AP3S2: variants seen among roughly 807,000 people sequenced by gnomAD.
The protein encoded by AP3S2 is AP-3 complex subunit sigma-2.
AP3S2 carries 22 observed loss-of-function variants against 23.4 expected under a neutral mutation model. That is an observed-to-expected ratio of 0.94 (90% CI 0.67 to 1.34). AP3S2 has a LOEUF of 1.34. Among genes scored for constraint, AP3S2 ranks in the 40% most tolerant of loss-of-function variants. The pLI is 0.00. For synonymous variants in AP3S2, 86 were observed against 87.1 expected (o/e 0.99, Z 0.07); for missense variants, 241 against 236.9 (o/e 1.02, Z -0.11).
intron 4 of AP3S2, among the ~76,000 whole-genome samples, chr15:89,839,527 T>C (rs924506575): frequency 2.0e-5 from 3 of 152,220 alleles, no homozygotes; most frequent in Non-Finnish European, 2.9e-5. Context: ...CAAGACTGGT[T>C]TTAAAATTAT....
At chr15:89,843,072 C>T (rs950554171) in intron 4 of AP3S2, among the ~76,000 whole-genome samples, 1 of 150,236 alleles carries the variant, frequency 6.7e-6, no homozygotes, top group African/African-American at 2.5e-5. Context: ...ACAACCTCTG[C>T]CTCCCCGGTT....
chr15:89,874,781 CTAAA>C (rs1254450675), intron 3 of AP3S2, among the ~76,000 whole-genome samples: 1 of 151,820 alleles, frequency 6.6e-6, no homozygotes, highest in African/African-American at 2.4e-5. Context: ...GACCTTGTCT[CTAAA>C]TAAATTTTAA....
intron 4 of AP3S2, among the ~76,000 whole-genome samples, chr15:89,846,871 A>G (rs1284319588): frequency 6.6e-6 from 1 of 151,518 alleles, no homozygotes; most frequent in African/African-American, 2.4e-5. Flanking sequence ...GGGTCTCACC[A>G]TGTTGGCCAG....
At chr15:89,857,834 C>A (rs1596199762) in intron 4 of AP3S2, among the ~76,000 whole-genome samples, 1 of 152,178 alleles carries the variant, frequency 6.6e-6, no homozygotes, top group South Asian at 2.1e-4. Context: ...ATAATAGGAT[C>A]ATTTCCCCAT....
At chr15:89,885,120 C>CT (rs1006421060) in intron 3 of AP3S2, among the ~76,000 whole-genome samples, 81 of 151,990 alleles carry the variant, frequency 5.3e-4, no homozygotes, top group African/African-American at 1.8e-3. Context: ...GGAGTCAGTT[C>CT]TTTTTTTAAC....
chr15:89,860,546 C>A (rs1039762864), intron 4 of AP3S2, among the ~76,000 whole-genome samples: 1 of 152,112 alleles, frequency 6.6e-6, no homozygotes, highest in Admixed American at 6.5e-5. Context: ...CAATTTAAAA[C>A]GTATTGTTTA....
Position 89,833,535 on chromosome 15 carries a change from C to T in AP3S2, c.*1980G>A, listed in dbSNP as rs1016395218. ...TTGTAAGGACAGTTGAATGATCTTG[C>T]TCATGCCAACTTACAGAAGGTACGA... On this transcript the variant is annotated 3_prime_UTR_variant, in exon 6 of 6. Coordinates refer to ENST00000336418, the MANE Select transcript of AP3S2 (RefSeq NM_005829.5). 2.0e-5 allele frequency: 3 copies of T among 152,230 alleles called. No homozygotes were observed. Among genetic ancestry groups the T allele is most frequent in the Admixed American group, 6.5e-5 (1 of 15,272 alleles). The allele number at this position is 152,230 out of a possible 1,614,324, so 9.4% of individuals were successfully genotyped here. A position where few individuals can be genotyped will look rare whatever the true frequency, so the allele number is the denominator to read the frequency against.
intron 5 of AP3S2, among the ~76,000 whole-genome samples, chr15:89,836,025 C>A (rs1438552712): frequency 1.5e-5 from 2 of 137,684 alleles, no homozygotes; most frequent in Non-Finnish European, 3.1e-5. Context: ...GAGACTCTGT[C>A]TCAAACAAAC....
chr15:89,892,719 A>C (rs949756825), intron 1 of AP3S2, among the ~76,000 whole-genome samples: 10 of 152,176 alleles, frequency 6.6e-5, no homozygotes, highest in African/African-American at 2.4e-4. Context: ...GCTGGAGTGC[A>C]GTGGCGCTAT....
chr15:89,888,953 A>G, intron 2 of AP3S2, 96 bp downstream of exon 2: 1 of 1,452,896 alleles, frequency 6.9e-7, no homozygotes, highest in Non-Finnish European at 9.5e-7. Flanking sequence ...AGTTGCATCA[A>G]GTACCCACCT....
At chr15:89,863,706 G>C (rs1439779028) in intron 4 of AP3S2, among the ~76,000 whole-genome samples, 1 of 152,196 alleles carries the variant, frequency 6.6e-6, no homozygotes, top group Non-Finnish European at 1.5e-5. Context: ...GGCCACATCT[G>C]CTTAAGGTGA....
intron 4 of AP3S2, among the ~76,000 whole-genome samples, chr15:89,842,890 C>T (rs772692636): frequency 4.6e-5 from 7 of 152,154 alleles, no homozygotes; most frequent in Non-Finnish European, 2.9e-5. Flanking sequence ...GGATTACAGG[C>T]GTAAGCCACT....
chr15:89,889,002 C>T, intron 2 of AP3S2, 47 bp downstream of exon 2: 1 of 1,609,636 alleles, frequency 6.2e-7, no homozygotes, highest in Non-Finnish European at 8.5e-7. Flanking sequence ...TAATGAAGGC[C>T]ACTCACAAGT....
At chr15:89,887,125 A>G (rs906552370) in intron 3 of AP3S2, among the ~76,000 whole-genome samples, 3 of 152,162 alleles carry the variant, frequency 2.0e-5, no homozygotes, top group Admixed American at 2.0e-4. Flanking sequence ...CTGATTATCA[A>G]TGTCCAATCT....
At chr15:89,870,621 T>C (rs921679406) in intron 4 of AP3S2, among the ~76,000 whole-genome samples, 27 of 152,142 alleles carry the variant, frequency 1.8e-4, no homozygotes, top group African/African-American at 6.5e-4. Flanking sequence ...TAGACAGCAA[T>C]GCTAGCAACG....
At chr15:89,890,072 A>G (rs1896785419) in intron 1 of AP3S2, among the ~76,000 whole-genome samples, 1 of 152,018 alleles carries the variant, frequency 6.6e-6, no homozygotes, top group Admixed American at 6.6e-5. Flanking sequence ...TATTATTATT[A>G]TTTTTAGACA....
At chr15:89,879,583 T>C (rs149345250) in intron 3 of AP3S2, among the ~76,000 whole-genome samples, 1 of 152,326 alleles carries the variant, frequency 6.6e-6, no homozygotes, top group Non-Finnish European at 1.5e-5. Flanking sequence ...TTTAGAACTA[T>C]ATATAGAGTA....
intron 3 of AP3S2, among the ~76,000 whole-genome samples, chr15:89,872,153 A>G (rs1300133201): frequency 6.6e-6 from 1 of 151,860 alleles, no homozygotes; most frequent in East Asian, 1.9e-4. Flanking sequence ...AAATTACATA[A>G]AAGAATAACA....
chr15:89,845,348 G>T (rs538798896), intron 4 of AP3S2: 1 of 152,374 alleles, frequency 6.6e-6, no homozygotes, highest in South Asian at 2.1e-4. Context: ...TCAAGTGTAA[G>T]TGAGCAATGG....
Sources: allele counts gnomAD v4.1 joint callset (sites outside exome capture counted in the v4.1 genomes callset), GRCh38; gene constraint gnomAD v4.1.1; transcripts MANE v1.5; gene names NCBI Gene and HGNC (gene_info 2026-07-23, HGNC 2026-07-21).